ETNK1: variants seen among roughly 807,000 people sequenced by gnomAD.
The protein encoded by ETNK1 is ethanolamine kinase 1.
In ETNK1, 8 loss-of-function variants were observed where a neutral mutation model predicts 45.1. The ratio of observed to expected loss-of-function variants is 0.18; its 90% CI spans 0.10 to 0.32. The LOEUF (loss-of-function observed/expected upper bound fraction) is 0.32. Ranked by LOEUF, ETNK1 falls within the 10% of genes least tolerant of loss-of-function variation. The pLI is 1.00. For missense variants in ETNK1, 302 were observed against 430.6 expected, an observed-to-expected ratio of 0.70 and a Z score of 2.64; for synonymous variants, 152 against 151.9, an observed-to-expected ratio of 1.00 and a Z score of -0.01.
rs1188174923 is a variant in ETNK1, at chr12:22,625,193, C to A, written c.-238C>A. ...TCTGCGGCCGCCCGCGGTCCAGCTCCGACAACAGGAATTTTCTCCGAGAGC... is the reference window on the plus strand; with the variant it reads ...TCTGCGGCCGCCCGCGGTCCAGCTCAGACAACAGGAATTTTCTCCGAGAGC... On this transcript the variant is annotated 5_prime_UTR_variant, in exon 1 of 8. Coordinates refer to ENST00000266517, the MANE Select transcript of ETNK1 (RefSeq NM_018638.5). The A allele has an allele frequency of 1.9e-6, 3 of 1,608,404 alleles. No individual in the cohort carries two copies. Among genetic ancestry groups the A allele is most frequent in the East Asian group, 2.2e-5 (1 of 44,762 alleles).
At chr12:22,664,693 T>C (rs1565445722) in intron 4 of ETNK1, among the ~76,000 whole-genome samples, 3 of 152,092 alleles carry the variant, frequency 2.0e-5, no homozygotes, top group Admixed American at 2.0e-4. Context: ...AAATGCCATG[T>C]TGAGTCTTTT....
At position 22,685,057 on chromosome 12, in the gene ETNK1, G is replaced by A; in HGVS notation, c.*103G>A. On this transcript the variant is annotated 3_prime_UTR_variant, in exon 8 of 8. Coordinates refer to ENST00000266517, the MANE Select transcript of ETNK1 (RefSeq NM_018638.5). ...TAGTTAAAATTCTGTTGTTTAATTT[G>A]GTTATCTTGCTTTATAAATTATGCC... The A allele has an allele frequency of 1.3e-6, 1 of 766,166 alleles. No individual in the cohort carries two copies. 47.5% of individuals were successfully genotyped at this position (766,166 alleles called of 1,614,324 possible).
chr12:22,643,246 A>G (rs955160727), intron 1 of ETNK1, among the ~76,000 whole-genome samples: 22 of 152,166 alleles, frequency 1.4e-4, no homozygotes, highest in African/African-American at 4.8e-4. Context: ...ATGGTAGATT[A>G]TATTTGTATA....
intron 5 of ETNK1, among the ~76,000 whole-genome samples, chr12:22,672,507 C>T (rs1230126850): frequency 1.3e-5 from 2 of 152,060 alleles, no homozygotes; most frequent in African/African-American, 2.4e-5. Flanking sequence ...CATATTTTTA[C>T]GTATCTCATC....
intron 4 of ETNK1, among the ~76,000 whole-genome samples, chr12:22,664,932 A>C (rs1290706751): frequency 6.6e-6 from 1 of 152,090 alleles, no homozygotes; most frequent in Non-Finnish European, 1.5e-5. Flanking sequence ...CAGACCCTTA[A>C]TTTCTCAGAA....
chr12:22,631,244 G>A (rs1953576658), intron 1 of ETNK1, among the ~76,000 whole-genome samples: 2 of 150,330 alleles, frequency 1.3e-5, no homozygotes. Context: ...GCGTGATCTC[G>A]GCTCACCGCA....
At chr12:22,683,461 A>T (rs576832181) in intron 6 of ETNK1, among the ~76,000 whole-genome samples, 19 of 151,874 alleles carry the variant, frequency 1.3e-4, no homozygotes, top group South Asian at 8.3e-4. Context: ...AGGTTGAAAA[A>T]TTTTTTTTAC....
chr12:22,656,333 T>G, intron 2 of ETNK1: 1 of 862,522 alleles, frequency 1.2e-6, no homozygotes, highest in Non-Finnish European at 1.4e-6. Flanking sequence ...AAAAAACAAC[T>G]TGAGGCAGCA....
chr12:22,674,684 G>A (rs897996807), intron 6 of ETNK1, among the ~76,000 whole-genome samples: 21 of 152,260 alleles, frequency 1.4e-4, no homozygotes, highest in African/African-American at 4.8e-4. Context: ...TTCCATTTAT[G>A]CATTGAATTA....
At chr12:22,668,989 G>A (rs1310880391) in intron 4 of ETNK1, among the ~76,000 whole-genome samples, 1 of 152,130 alleles carries the variant, frequency 6.6e-6, no homozygotes. Flanking sequence ...TGAAGCTTAT[G>A]TTTATGTGGC....
chr12:22,685,988 A>T lies in ETNK1; in HGVS notation c.*1034A>T, dbSNP rs934530879. ...TAGTTTCATGTTTTAGTTTGATTCTATGTTTTTAGACTGATAGCAAATGAT... is the reference window on the plus strand; with the variant it reads ...TAGTTTCATGTTTTAGTTTGATTCTTTGTTTTTAGACTGATAGCAAATGAT... On this transcript the variant is annotated 3_prime_UTR_variant, in exon 8 of 8. Transcript: ENST00000266517. 3.3e-5 allele frequency: 5 copies of T among 152,252 alleles called. No homozygotes were observed. The highest frequency in any genetic ancestry group is 1.2e-4 in the African/African-American group (5 of 41,390). 9.4% of individuals were successfully genotyped at this position (152,252 alleles called of 1,614,324 possible).
At chr12:22,644,486 A>G in intron 2 of ETNK1, 2 of 704,554 alleles carry the variant, frequency 2.8e-6, no homozygotes, top group Non-Finnish European at 3.8e-6. Flanking sequence ...AATGTCATAT[A>G]TGCTTGATCA....
chr12:22,627,632 C>G (rs907858441), intron 1 of ETNK1, among the ~76,000 whole-genome samples: 1 of 151,968 alleles, frequency 6.6e-6, no homozygotes, highest in African/African-American at 2.4e-5. Context: ...TGAGATTTTA[C>G]TGTATTTCCC....
rs771866748 is a variant in ETNK1 at position 22,659,249 on chromosome 12, T to C, written c.557+95T>C. 1.2e-4 allele frequency: 156 copies of C among 1,293,484 alleles called. 1 individual carries two copies. Among genetic ancestry groups the C allele is most frequent in the Non-Finnish European group, 1.6e-4 (152 of 957,566 alleles). 80.1% of individuals were successfully genotyped at this position (1,293,484 alleles called of 1,614,324 possible). ...TTGTAAAGTTTCATTGTATAAAATC[T>C]GGTTTTCTTTCTTTGCATTGAAGTA... On this transcript the variant is annotated intron_variant, in intron 3 of 7. Transcript: ENST00000266517.
chr12:22,682,273 A>G (rs1180059244), intron 6 of ETNK1: 2 of 496,716 alleles, frequency 4.0e-6, no homozygotes, highest in Non-Finnish European at 8.0e-6. Flanking sequence ...CTCATGTTCT[A>G]ATTTTAGGGT....
chr12:22,670,207 T>A (rs1268651728), intron 4 of ETNK1, among the ~76,000 whole-genome samples: 4 of 152,160 alleles, frequency 2.6e-5, no homozygotes, highest in Non-Finnish European at 5.9e-5. Flanking sequence ...CGGGAATTTG[T>A]TCTCCTACCT....
chr12:22,633,052 A>G (rs769029820), intron 1 of ETNK1, among the ~76,000 whole-genome samples: 2 of 152,040 alleles, frequency 1.3e-5, no homozygotes, highest in Non-Finnish European at 2.9e-5. Flanking sequence ...TTACAATTAT[A>G]CTTTTTTTGA....
intron 1 of ETNK1, among the ~76,000 whole-genome samples, chr12:22,637,921 C>G (rs1953676272): frequency 6.6e-6 from 1 of 151,896 alleles, no homozygotes. Flanking sequence ...TATAAGAAGT[C>G]TCAGATAATG....
At chr12:22,646,606 T>G (rs1032886785) in intron 2 of ETNK1, among the ~76,000 whole-genome samples, 1 of 151,874 alleles carries the variant, frequency 6.6e-6, no homozygotes. Context: ...CACTATTGAT[T>G]GTTAGGTCAG....
Sources: allele counts gnomAD v4.1 joint callset (sites outside exome capture counted in the v4.1 genomes callset), GRCh38; gene constraint gnomAD v4.1.1; transcripts MANE v1.5; gene names NCBI Gene and HGNC (gene_info 2026-07-23, HGNC 2026-07-21).